Variants in KLF8 observed in about 807,000 individuals in gnomAD.
KLF8 encodes KLF transcription factor 8.
Under a neutral mutation model 18.2 loss-of-function variants are expected in KLF8, and 10 were observed. The observed-to-expected ratio is 0.55, with a 90% confidence interval of 0.34 to 0.93. The LOEUF is 0.93. KLF8 is among the 40% of genes least tolerant of loss of function. The pLI, the probability that KLF8 is intolerant of heterozygous loss-of-function variation, is 0.02. For missense variants in KLF8, 264 were observed against 277.9 expected, an observed-to-expected ratio of 0.95 and a Z score of 0.36; for synonymous variants, 109 against 97.3, an observed-to-expected ratio of 1.12 and a Z score of -0.71.
the KLF8 span, among the ~76,000 whole-genome samples, chrX:55,946,779 C>T: frequency 9.0e-6 from 1 of 110,708 alleles, no homozygotes; most frequent in Non-Finnish European, 1.9e-5. Context: ...TCAACTCAAA[C>T]AAATTTACAA....
chrX:56,199,387 T>A, the KLF8 span, among the ~76,000 whole-genome samples: 1 of 111,028 alleles, frequency 9.0e-6, no homozygotes, highest in African/African-American at 3.3e-5. Context: ...CTAACAAATT[T>A]ACAAGAAAAA....
chrX:56,161,033 G>T, the KLF8 span, among the ~76,000 whole-genome samples: 2 of 111,463 alleles, frequency 1.8e-5, no homozygotes, highest in African/African-American at 6.5e-5. Flanking sequence ...GGTACCGGTT[G>T]TTCCTTTCCA....
In KLF8 at chrX:56,284,700, G is replaced by T. The variant is rs1173133624; in HGVS notation, c.*206G>T. The T allele has an allele frequency of 6.8e-6, 2 of 294,469 alleles. No individual in the cohort carries two copies. Among genetic ancestry groups the T allele is most frequent in the Non-Finnish European group, 1.2e-5 (2 of 171,136 alleles). The allele number at this position is 294,469 out of a possible 1,213,427, so 24.3% of individuals were successfully genotyped here. On this transcript the variant is annotated 3_prime_UTR_variant, in exon 6 of 6. Transcript: ENST00000468660. ...CTTCACTTCTCCACTGTCCAGACCC[G>T]TTTTTTTCAACCTCCACATGGGTTG...
intron 1 of KLF8, among the ~76,000 whole-genome samples, chrX:56,241,229 A>G (rs1471760282): frequency 9.0e-6 from 1 of 111,555 alleles, no homozygotes; most frequent in Non-Finnish European, 1.9e-5. Flanking sequence ...GTGCAATGGC[A>G]TGATCTCAGT....
the KLF8 span, among the ~76,000 whole-genome samples, chrX:56,162,072 C>T: frequency 1.8e-5 from 2 of 111,923 alleles, no homozygotes; most frequent in Non-Finnish European, 3.8e-5. Context: ...GCAGCAGAGG[C>T]TGCAGAACAG....
the KLF8 span, among the ~76,000 whole-genome samples, chrX:56,086,121 G>A: frequency 8.9e-6 from 1 of 112,344 alleles, no homozygotes; most frequent in African/African-American, 3.2e-5. Context: ...ACCCTTACTA[G>A]GATTTGGGCT....
At chrX:56,020,590 C>T in the KLF8 span, among the ~76,000 whole-genome samples, 1 of 111,452 alleles carries the variant, frequency 9.0e-6, no homozygotes, top group Non-Finnish European at 1.9e-5. Context: ...AGAATGGTGC[C>T]AAGGTACCAA....
the KLF8 span, among the ~76,000 whole-genome samples, chrX:56,167,733 A>G: frequency 8.9e-6 from 1 of 112,194 alleles, no homozygotes; most frequent in East Asian, 2.8e-4. Context: ...ATGTATATTT[A>G]TGTATGCTAT....
the KLF8 span, among the ~76,000 whole-genome samples, chrX:56,051,167 T>C: frequency 9.0e-6 from 1 of 111,375 alleles, no homozygotes; most frequent in Admixed American, 9.6e-5. Flanking sequence ...TGTGTCTCTG[T>C]ACGTGAGATG....
chrX:56,088,206 G>A, the KLF8 span, among the ~76,000 whole-genome samples: 1 of 111,224 alleles, frequency 9.0e-6, no homozygotes, highest in Non-Finnish European at 1.9e-5. Context: ...TCAGGGCAAC[G>A]TATACCTAGA....
the KLF8 span, among the ~76,000 whole-genome samples, chrX:56,213,318 T>C: frequency 1.4e-5 from 1 of 71,960 alleles, no homozygotes; most frequent in Non-Finnish European, 2.7e-5. Flanking sequence ...TCTTTTCTTT[T>C]TTTTTTTTTT....
At chrX:56,127,450 C>T in the KLF8 span, among the ~76,000 whole-genome samples, 3 of 110,716 alleles carry the variant, frequency 2.7e-5, no homozygotes, top group African/African-American at 9.9e-5. Context: ...TCCTTGAGCC[C>T]AGGAGTTTGA....
the KLF8 span, among the ~76,000 whole-genome samples, chrX:55,998,052 GA>G: frequency 8.9e-6 from 1 of 112,015 alleles, no homozygotes; most frequent in African/African-American, 3.2e-5. Flanking sequence ...TTGCATCATA[GA>G]CAAGGTAAAG....
the KLF8 span, among the ~76,000 whole-genome samples, chrX:56,210,582 TC>T: frequency 9.0e-6 from 1 of 111,435 alleles, no homozygotes; most frequent in Non-Finnish European, 1.9e-5. Flanking sequence ...GAGATCTTTC[TC>T]TAGGTTTAGG....
At chrX:55,931,872 G>A in the KLF8 span, among the ~76,000 whole-genome samples, 3 of 110,050 alleles carry the variant, frequency 2.7e-5, no homozygotes, top group Admixed American at 9.7e-5. Context: ...TTCTGTAGAT[G>A]TCTGTTAGGT....
At chrX:55,934,984 C>T in the KLF8 span, among the ~76,000 whole-genome samples, 24,264 of 111,133 alleles carry the variant, frequency 0.22, 5,430 homozygotes, top group African/African-American at 0.69. Context: ...GAGCCATATG[C>T]ATATCCATGA....
At chrX:56,074,921 G>A in the KLF8 span, 2 of 111,597 alleles carry the variant, frequency 1.8e-5, no homozygotes, top group Non-Finnish European at 3.8e-5. Context: ...AATGCAAGAA[G>A]TATTTCTATA....
At chrX:55,977,648 T>A in the KLF8 span, among the ~76,000 whole-genome samples, 1 of 111,692 alleles carries the variant, frequency 9.0e-6, no homozygotes, top group African/African-American at 3.2e-5. Context: ...GTCTTGCTTG[T>A]GAATGCACTT....
At chrX:56,012,495 A>G in the KLF8 span, among the ~76,000 whole-genome samples, 3 of 112,330 alleles carry the variant, frequency 2.7e-5, no homozygotes, top group Non-Finnish European at 5.6e-5. Flanking sequence ...TACCATACTT[A>G]ATGAACAATA....
Sources: allele counts gnomAD v4.1 joint callset (sites outside exome capture counted in the v4.1 genomes callset), GRCh38; gene constraint gnomAD v4.1.1; transcripts MANE v1.5; gene names NCBI Gene and HGNC (gene_info 2026-07-23, HGNC 2026-07-21).